The following LURAP1L variants were observed in gnomAD, a reference collection of about 807,000 sequenced individuals.
LURAP1L encodes leucine rich adaptor protein 1-like.
Under a neutral mutation model 13.8 loss-of-function variants are expected in LURAP1L, and 12 were observed. The observed-to-expected ratio is 0.87, with a 90% confidence interval of 0.56 to 1.41. The LOEUF (loss-of-function observed/expected upper bound fraction) is 1.41. LURAP1L is among the 40% of genes most tolerant of loss of function. The pLI, the probability that LURAP1L is intolerant of heterozygous loss-of-function variation, is 0.00. For missense variants in LURAP1L, 375 were observed against 292.9 expected (o/e 1.28, Z -2.04); for synonymous variants, 139 against 119.2 (o/e 1.17, Z -1.08).
Position 12,821,510 on chromosome 9 carries a change from G to A in LURAP1L, c.437G>A (p.Ser146Asn). 6.2e-7 allele frequency: 1 copy of A among 1,614,220 alleles called. No homozygotes were observed. Residue 146 changes from serine to asparagine, a missense_variant, in exon 2 of 2, where the codon AGT (serine) becomes AAT (asparagine). Transcript: ENST00000319264. Reference protein sequence around the residue: ...ATITSRGSSLSGSLCSLLESQ... With the variant: ...ATITSRGSSLNGSLCSLLESQ... ...ATTACCAGCAGAGGCAGCAGCCTCAGTGGCAGCCTGTGCAGTTTGTTGGAG... is the reference window on the plus strand; with the variant it reads ...ATTACCAGCAGAGGCAGCAGCCTCAATGGCAGCCTGTGCAGTTTGTTGGAG...
At chr9:12,814,596 T>A (rs1819780164) in intron 1 of LURAP1L, among the ~76,000 whole-genome samples, 1 of 152,174 alleles carries the variant, frequency 6.6e-6, no homozygotes, top group South Asian at 2.1e-4. Context: ...GGCAATCAGA[T>A]GACTCACCAG....
chr9:12,790,596 A>G (rs1242265498), intron 1 of LURAP1L: 6 of 152,156 alleles, frequency 3.9e-5, no homozygotes, highest in Non-Finnish European at 8.8e-5. Flanking sequence ...AATAAAGAAA[A>G]TAAAAGAAAA....
intron 1 of LURAP1L, among the ~76,000 whole-genome samples, chr9:12,780,016 A>G (rs1003909722): frequency 5.3e-5 from 8 of 152,208 alleles, no homozygotes; most frequent in African/African-American, 1.9e-4. Context: ...GAGCAGTTAA[A>G]GGTTCTCCTG....
intron 1 of LURAP1L, among the ~76,000 whole-genome samples, chr9:12,807,539 C>A (rs1008324562): frequency 2.0e-5 from 3 of 152,130 alleles, no homozygotes; most frequent in East Asian, 1.9e-4. Context: ...TTTTCCTTCA[C>A]CTGCATAGTG....
intron 1 of LURAP1L, among the ~76,000 whole-genome samples, chr9:12,802,212 C>T (rs1455107050): frequency 6.6e-6 from 1 of 152,116 alleles, no homozygotes; most frequent in Non-Finnish European, 1.5e-5. Flanking sequence ...GCTAATAAAG[C>T]CTCTAAGCTA....
chr9:12,814,716 T>C (rs2118544780), intron 1 of LURAP1L, among the ~76,000 whole-genome samples: 1 of 152,334 alleles, frequency 6.6e-6, no homozygotes, highest in Non-Finnish European at 1.5e-5. Flanking sequence ...CTTTCTACTT[T>C]ATCAAAACAA....
intron 1 of LURAP1L, among the ~76,000 whole-genome samples, chr9:12,810,583 ATATT>A: frequency 6.6e-6 from 1 of 152,346 alleles, no homozygotes; most frequent in East Asian, 1.9e-4. Flanking sequence ...GAATGGCACT[ATATT>A]TATTAGATAA....
chr9:12,808,362 T>G (rs946343091), intron 1 of LURAP1L, among the ~76,000 whole-genome samples: 1 of 152,144 alleles, frequency 6.6e-6, no homozygotes, highest in Admixed American at 6.5e-5. Context: ...TAAAATATAC[T>G]ATTTTAACCA....
chr9:12,790,248 A>G (rs1269870243), intron 1 of LURAP1L, among the ~76,000 whole-genome samples: 1 of 152,134 alleles, frequency 6.6e-6, no homozygotes, highest in Non-Finnish European at 1.5e-5. Context: ...ATCTTGGTTA[A>G]TAATATTGCT....
chr9:12,787,532 G>C (rs1819374462), intron 1 of LURAP1L, among the ~76,000 whole-genome samples: 1 of 152,094 alleles, frequency 6.6e-6, no homozygotes, highest in Non-Finnish European at 1.5e-5. Flanking sequence ...CCATAGCATA[G>C]AAAGAAACTT....
intron 1 of LURAP1L, among the ~76,000 whole-genome samples, chr9:12,788,807 A>C (rs1238848066): frequency 1.3e-5 from 2 of 151,934 alleles, no homozygotes; most frequent in African/African-American, 4.8e-5. Flanking sequence ...GTTTCTCTAT[A>C]CTAATTACAT....
intron 1 of LURAP1L, among the ~76,000 whole-genome samples, chr9:12,801,518 A>G (rs145249438): frequency 1.3e-5 from 2 of 152,278 alleles, no homozygotes; most frequent in African/African-American, 2.4e-5. Context: ...TATTACTTTA[A>G]TAAGTTTTTA....
chr9:12,807,758 CT>C (rs1204329293), intron 1 of LURAP1L, among the ~76,000 whole-genome samples: 1 of 148,144 alleles, frequency 6.8e-6, no homozygotes, highest in Non-Finnish European at 1.5e-5. Flanking sequence ...TTCATTCTTA[CT>C]TTTTTCTTTC....
chr9:12,798,637 T>G (rs1819541509), intron 1 of LURAP1L, among the ~76,000 whole-genome samples: 1 of 152,220 alleles, frequency 6.6e-6, no homozygotes, highest in African/African-American at 2.4e-5. Flanking sequence ...CTAGAAGTGA[T>G]GAATTAACAT....
At chr9:12,811,422 A>T (rs1819733988) in intron 1 of LURAP1L, among the ~76,000 whole-genome samples, 1 of 152,234 alleles carries the variant, frequency 6.6e-6, no homozygotes, top group Admixed American at 6.5e-5. Flanking sequence ...AACATAAATC[A>T]TCTGTCATTT....
At chr9:12,776,765 TC>T (rs2118448314) in intron 1 of LURAP1L, among the ~76,000 whole-genome samples, 1 of 152,274 alleles carries the variant, frequency 6.6e-6, no homozygotes, top group East Asian at 1.9e-4. Context: ...GCAGTTGTTT[TC>T]CCTGCTGTTT....
chr9:12,786,547 C>CATATATAT (rs67654649), intron 1 of LURAP1L, among the ~76,000 whole-genome samples: 2,628 of 52,910 alleles, frequency 0.05, 202 homozygotes, highest in African/African-American at 0.1. Flanking sequence ...ATATATATGA[C>CATATATAT]ATATATATAT....
chr9:12,792,510 C>T (rs1641047053), intron 1 of LURAP1L, among the ~76,000 whole-genome samples: 1 of 152,142 alleles, frequency 6.6e-6, no homozygotes, highest in African/African-American at 2.4e-5. Context: ...CATTTAAATA[C>T]AATATTTGCA....
intron 1 of LURAP1L, among the ~76,000 whole-genome samples, chr9:12,780,452 G>T (rs1416550118): frequency 6.6e-6 from 1 of 152,060 alleles, no homozygotes; most frequent in Non-Finnish European, 1.5e-5. Flanking sequence ...TTAAAAAGGG[G>T]CTAAACACTG....
Sources: allele counts gnomAD v4.1 joint callset (sites outside exome capture counted in the v4.1 genomes callset), GRCh38; gene constraint gnomAD v4.1.1; transcripts MANE v1.5; gene names NCBI Gene and HGNC (gene_info 2026-07-23, HGNC 2026-07-21).